The following EVC2 variants were observed in gnomAD, a reference collection of about 807,000 sequenced individuals.
EVC2 encodes limbin.
EVC2 carries 148 observed loss-of-function variants against 149.3 expected under a neutral mutation model. The observed-to-expected ratio is 0.99, with a 90% CI of 0.87 to 1.14. The LOEUF (loss-of-function observed/expected upper bound fraction) is 1.14, where lower values mean the gene tolerates loss of function less well. Ranked by LOEUF, EVC2 falls within the 50% of genes most tolerant of loss-of-function variation. The probability of loss-of-function intolerance (pLI) is 0.00; values close to 1 mark genes in which losing one functional copy is unlikely to be tolerated. For synonymous variants in EVC2, 776 were observed against 649.9 expected (o/e 1.19, Z -2.95); for missense variants, 1,854 against 1,627.3 (o/e 1.14, Z -2.40).
Position 5,686,573 on chromosome 4 carries a change from A to AG in EVC2, c.707-1095dup, listed in dbSNP as rs1250595283. Among the ~76,000 whole-genome samples the AG allele has an allele frequency of 2.6e-5, 4 of 152,266 alleles. No homozygotes were observed. The highest frequency in any genetic ancestry group is 2.6e-4 in the Admixed American group (4 of 15,290). ...CACGTGATTTTCTGCAACATACAGA[A>AG]GAAGAAACTGAAACTGAGAGACAGT... On this transcript the variant is annotated intron_variant, in intron 5 of 21. Coordinates refer to ENST00000344408, the MANE Select transcript of EVC2 (RefSeq NM_147127.5). The surrounding 1 kb of genome is among the most constrained non-coding windows in gnomAD (Gnocchi z 5.4).
chr4:5,676,188 A>G (rs1159427065), intron 7 of EVC2, among the ~76,000 whole-genome samples: 1 of 152,126 alleles, frequency 6.6e-6, no homozygotes, highest in African/African-American at 2.4e-5. Context: ...TCTTCTCTCA[A>G]AAAGACAGTA....
chr4:5,689,156 C>T lies in EVC2; in HGVS notation c.706+1G>A. 6.2e-7 allele frequency: 1 copy of T among 1,614,134 alleles called. No homozygotes were observed. The highest frequency in any genetic ancestry group is 8.5e-7 in the Non-Finnish European group (1 of 1,180,042). Reference sequence around the variant, plus strand: ...CTGACTTCAGAACGCTTTGCTGTTACCTTGCAGAAACTTCTTGCTAAAAGC... The same window carrying T: ...CTGACTTCAGAACGCTTTGCTGTTATCTTGCAGAAACTTCTTGCTAAAAGC... On this transcript the variant is annotated splice_donor_variant, in intron 5 of 21. Coordinates refer to ENST00000344408, the MANE Select transcript of EVC2 (RefSeq NM_147127.5). LOFTEE classifies it high-confidence loss of function.
chr4:5,595,413 T>C (rs971720405), intron 16 of EVC2, among the ~76,000 whole-genome samples: 26 of 152,306 alleles, frequency 1.7e-4, no homozygotes, highest in East Asian at 7.7e-4. Flanking sequence ...GGGCCAATAT[T>C]CAACATTCTT....
chr4:5,706,321 C>CATAGATAGATAG (rs1163864655), intron 1 of EVC2, among the ~76,000 whole-genome samples: 2,074 of 26,540 alleles, frequency 0.078, 536 homozygotes, highest in Non-Finnish European at 0.11. Context: ...TAGATAGATA[C>CATAGATAGATAG]ATAGATAGAT....
In EVC2 at chr4:5,563,055, A is replaced by G. The variant is rs1309289395; in HGVS notation, c.3720T>C (p.Ser1240=). ...RERMIFSGKG[S]WPHLSLEPIG... ...TGGGCTCCAGTGACAGGTGTGGCCA[A>G]CTTCCTTTTCCAGAGAATATCATCC... The change falls in exon 22 of 22, where the codon AGT becomes AGC. Residue 1240 remains serine, a synonymous_variant. Transcript: ENST00000344408. The G allele has an allele frequency of 6.2e-7, 1 of 1,614,182 alleles. No homozygotes were observed. Among genetic ancestry groups the G allele is most frequent in the Admixed American group, 1.7e-5 (1 of 60,028 alleles).
intron 17 of EVC2, among the ~76,000 whole-genome samples, chr4:5,579,875 G>A (rs1462216133): frequency 6.6e-6 from 1 of 152,124 alleles, no homozygotes; most frequent in African/African-American, 2.4e-5. Context: ...GATGCCAGGT[G>A]AGGCTTGGGA....
chr4:5,549,422 G>A (rs1721692140), intron 21 of EVC2, among the ~76,000 whole-genome samples: 1 of 152,170 alleles, frequency 6.6e-6, no homozygotes, highest in South Asian at 2.1e-4. Flanking sequence ...CCTAACACAG[G>A]GGCTGTCCCC....
intron 8 of EVC2, among the ~76,000 whole-genome samples, chr4:5,664,652 C>A (rs189301960): frequency 2.6e-5 from 4 of 152,306 alleles, no homozygotes; most frequent in African/African-American, 9.6e-5. Context: ...AAATGAACAA[C>A]AGGCTCCTCA....
chr4:5,628,693 C>T lies in EVC2; in HGVS notation c.1752G>A (p.Lys584=), dbSNP rs762593768. ...CAAATCTTTTACTTAGATGATACCT[C>T]TTACTAGCCTGGAAAAAGTCCATTA... ...EELMDFFQAS[K]RYHLSKRFGH... is the part of the protein sequence containing the mutation. Residue 584 remains lysine (K), a synonymous_variant, in exon 12 of 22, where the codon AAG becomes AAA. Transcript: ENST00000344408. The T allele has an allele frequency of 1.9e-6, 3 of 1,613,700 alleles. No individual in the cohort carries two copies. Among genetic ancestry groups the T allele is most frequent in the South Asian group, 1.1e-5 (1 of 91,062 alleles).
intron 5 of EVC2, among the ~76,000 whole-genome samples, chr4:5,688,445 T>C (rs1720869571): frequency 6.6e-6 from 1 of 152,138 alleles, no homozygotes; most frequent in African/African-American, 2.4e-5. Context: ...GCCACTTTAG[T>C]CCCAGTCTCT....
intron 21 of EVC2, among the ~76,000 whole-genome samples, chr4:5,555,017 CGTGT>C (rs35387388): frequency 0.41 from 61,127 of 149,154 alleles, 13,433 homozygotes; most frequent in East Asian, 0.9. Flanking sequence ...AGAGAGGAAG[CGTGT>C]GTGTGTGTGT....
chr4:5,631,782 T>G lies in EVC2; in HGVS notation c.1710+11A>C. The G allele has an allele frequency of 6.2e-7, 1 of 1,613,504 alleles. No homozygotes were observed. The highest frequency in any genetic ancestry group is 1.7e-4 in the Middle Eastern group (1 of 6,060). On this transcript the variant is annotated intron_variant, in intron 11 of 21. Coordinates refer to ENST00000344408, the MANE Select transcript of EVC2 (RefSeq NM_147127.5). ...AATTACTTTTCCATCACAGCGAGGCTGATGTATTACCTGTATTTTAGAATA... is the reference window on the plus strand; with the variant it reads ...AATTACTTTTCCATCACAGCGAGGCGGATGTATTACCTGTATTTTAGAATA...
chr4:5,576,458 C>T lies in EVC2; in HGVS notation c.3058-4G>A, dbSNP rs1490949079. 13 of 1,585,886 alleles carry T rather than the reference C, an allele frequency of 8.2e-6. No individual in the cohort carries two copies. Among genetic ancestry groups the T allele is most frequent in the African/African-American group, 6.7e-5 (5 of 74,170 alleles). The stretch of plus-strand genomic sequence containing the variant: ...TCCTCTCCAACTCCTGGAGCTCCTA[C>T]ACAAGGAAGGGGCAGAGGGTAAGCA... On this transcript the variant is annotated splice_polypyrimidine_tract_variant and splice_region_variant and intron_variant, in intron 17 of 21. Transcript: ENST00000344408. This position sits in a 1 kb window ranked among gnomAD's most constrained non-coding sequence, Gnocchi z 4.5.
chr4:5,593,297 T>C lies in EVC2; in HGVS notation c.2830-8447A>G, dbSNP rs1323135885. 2.0e-5 allele frequency among the ~76,000 whole-genome samples: 3 copies of C among 152,212 alleles called. No individual in the cohort carries two copies. The East Asian group carries it at 5.8e-4, about 29-fold the overall frequency. On this transcript the variant is annotated intron_variant, in intron 16 of 21. Transcript: ENST00000344408. ...TAAGCTGTGCAGTTGGTCTCTCCAG[T>C]CACCTGCCTGCCCTTCTTTCAAGTG...
intron 20 of EVC2, 112 bp downstream of exon 20, chr4:5,568,332 C>T: frequency 1.8e-6 from 2 of 1,142,462 alleles, no homozygotes; most frequent in Non-Finnish European, 1.2e-6. Context: ...AAATTGGTAA[C>T]AAAATTAAAA....
intron 1 of EVC2, among the ~76,000 whole-genome samples, chr4:5,702,347 A>T (rs1315420963): frequency 1.3e-5 from 2 of 152,148 alleles, no homozygotes; most frequent in African/African-American, 4.8e-5. Context: ...TGCTCCAAGA[A>T]TGCAGGTTCC....
intron 6 of EVC2, among the ~76,000 whole-genome samples, chr4:5,684,104 T>C (rs1480313772): frequency 1.3e-5 from 2 of 152,246 alleles, no homozygotes; most frequent in Non-Finnish European, 2.9e-5. Flanking sequence ...CTTGGTTTCC[T>C]GCCTTCTGAA....
intron 21 of EVC2, among the ~76,000 whole-genome samples, chr4:5,563,404 T>C (rs1251054684): frequency 6.6e-6 from 1 of 152,198 alleles, no homozygotes; most frequent in African/African-American, 2.4e-5. Flanking sequence ...TGCAGTGCAA[T>C]GGCACAACCT....
At chr4:5,694,001 A>G (rs931979105) in intron 3 of EVC2, among the ~76,000 whole-genome samples, 1 of 152,224 alleles carries the variant, frequency 6.6e-6, no homozygotes, top group Non-Finnish European at 1.5e-5. Flanking sequence ...TGCTTGTGAA[A>G]TGTTCACTGC....
Sources: gnomAD v4.1 joint callset for allele counts (sites outside exome capture counted in the v4.1 genomes callset) on GRCh38, gnomAD v4.1.1 for gene constraint, Gnocchi (gnomAD v3.1) non-coding constraint, MANE v1.5 for transcripts, NCBI Gene and HGNC (gene_info 2026-07-23, HGNC 2026-07-21) for gene names.